Variants in ATAD5 observed in about 807,000 individuals in gnomAD.
The protein encoded by ATAD5 is ATPase family AAA domain-containing protein 5.
Under a neutral mutation model 176.9 loss-of-function variants are expected in ATAD5, and 58 were observed. That is an observed-to-expected ratio of 0.33 (90% CI 0.27 to 0.41). ATAD5 has a LOEUF of 0.41. Among genes scored for constraint, ATAD5 ranks in the 10% least tolerant of loss-of-function variants. The pLI is 1.00. For missense variants in ATAD5, 1,789 were observed against 2,094.1 expected, an observed-to-expected ratio of 0.85 and a Z score of 2.84; for synonymous variants, 640 against 712.6, an observed-to-expected ratio of 0.90 and a Z score of 1.62.
chr17:30,833,869 A>T (rs1042713276), intron 1 of ATAD5, among the ~76,000 whole-genome samples: 1 of 152,094 alleles, frequency 6.6e-6, no homozygotes, highest in South Asian at 2.1e-4. Context: ...TTTAGTAGAG[A>T]CAGGGTTTCA....
At chr17:30,879,295 C>T (rs113528094) in intron 17 of ATAD5, 128 bp from the exon 18 acceptor site, 19,940 of 1,022,152 alleles carry the variant, frequency 0.02, 237 homozygotes, top group Middle Eastern at 0.023. Context: ...TATGACTGCA[C>T]CACAGCACTA....
At chr17:30,841,020 T>C (rs1200296125) in intron 4 of ATAD5, among the ~76,000 whole-genome samples, 11 of 152,150 alleles carry the variant, frequency 7.2e-5, no homozygotes, top group Admixed American at 1.3e-4. Flanking sequence ...CTTCCTTTTT[T>C]TTTTTTGAGA....
intron 14 of ATAD5, among the ~76,000 whole-genome samples, chr17:30,872,660 A>C (rs1414017219): frequency 6.7e-6 from 1 of 149,666 alleles, no homozygotes; most frequent in Non-Finnish European, 1.5e-5. Flanking sequence ...GGTTCAAGTG[A>C]TCTTCCTGCC....
At chr17:30,837,406 C>G in intron 3 of ATAD5, 92 bp downstream of exon 3, 1 of 821,738 alleles carries the variant, frequency 1.2e-6, no homozygotes, top group Non-Finnish European at 1.9e-6. Flanking sequence ...AAGTAATGAG[C>G]CAAAATAAAA....
intron 14 of ATAD5, among the ~76,000 whole-genome samples, chr17:30,871,306 A>G (rs1206169372): frequency 3.3e-5 from 5 of 150,236 alleles, no homozygotes; most frequent in African/African-American, 9.8e-5. Flanking sequence ...TACAGTTATA[A>G]CAACTGTTTT....
At chr17:30,857,205 T>G in intron 8 of ATAD5, 93 bp downstream of exon 8, 1 of 1,380,506 alleles carries the variant, frequency 7.2e-7, no homozygotes, top group Non-Finnish European at 9.8e-7. Flanking sequence ...TAGCCTCGAG[T>G]GTTGTCCTAG....
intron 9 of ATAD5, among the ~76,000 whole-genome samples, chr17:30,858,694 C>CT (rs201054145): frequency 1.0e-3 from 155 of 150,278 alleles, no homozygotes; most frequent in Middle Eastern, 3.4e-3. Flanking sequence ...CCTATTTTTT[C>CT]TTTTTTTTTA....
At chr17:30,892,892 A>T in intron 20 of ATAD5, 104 bp downstream of exon 20, 1 of 998,396 alleles carries the variant, frequency 1.0e-6, no homozygotes, top group South Asian at 1.9e-5. Flanking sequence ...AAATGTGCCT[A>T]TAATTTGTAT....
intron 11 of ATAD5, among the ~76,000 whole-genome samples, chr17:30,866,596 C>T (rs1468968729): frequency 6.6e-6 from 1 of 151,668 alleles, no homozygotes; most frequent in African/African-American, 2.4e-5. Flanking sequence ...GGGCAGATCA[C>T]TTGAGGCTGG....
intron 6 of ATAD5, among the ~76,000 whole-genome samples, chr17:30,852,703 A>G (rs1249564485): frequency 6.6e-6 from 1 of 152,074 alleles, no homozygotes; most frequent in Non-Finnish European, 1.5e-5. Context: ...GGCCTGTCAC[A>G]TGGCGAGAGA....
intron 14 of ATAD5, among the ~76,000 whole-genome samples, chr17:30,871,844 CT>C (rs1908356148): frequency 6.6e-6 from 1 of 152,002 alleles, no homozygotes; most frequent in South Asian, 2.1e-4. Flanking sequence ...CAATCCTGCA[CT>C]TTTTGTACCT....
intron 4 of ATAD5, among the ~76,000 whole-genome samples, chr17:30,841,895 C>T (rs1906142806): frequency 6.6e-6 from 1 of 152,056 alleles, no homozygotes; most frequent in African/African-American, 2.4e-5. Flanking sequence ...GAACATTTTA[C>T]CCCCTCCTCT....
At chr17:30,862,311 G>C (rs1288815410) in intron 10 of ATAD5, among the ~76,000 whole-genome samples, 1 of 151,026 alleles carries the variant, frequency 6.6e-6, no homozygotes, top group Non-Finnish European at 1.5e-5. Flanking sequence ...TCCAGCCCAG[G>C]AGACAGAGCA....
At chr17:30,883,319 G>T (rs1909135315) in intron 18 of ATAD5, among the ~76,000 whole-genome samples, 1 of 151,674 alleles carries the variant, frequency 6.6e-6, no homozygotes, top group Admixed American at 6.6e-5. Context: ...TAGAGATGAG[G>T]TCTCACTATA....
intron 17 of ATAD5, 54 bp downstream of exon 17, chr17:30,878,150 T>C (rs1908780958): frequency 8.7e-7 from 1 of 1,149,806 alleles, no homozygotes. Flanking sequence ...CTGTAGTTCA[T>C]CTGCAGACTG....
chr17:30,844,133 A>G, intron 5 of ATAD5, 94 bp downstream of exon 5: 1 of 1,104,150 alleles, frequency 9.1e-7, no homozygotes, highest in East Asian at 3.2e-5. Flanking sequence ...TTATTTATTT[A>G]TTTATTTATT....
intron 18 of ATAD5, among the ~76,000 whole-genome samples, chr17:30,880,217 T>C (rs1288048487): frequency 1.3e-5 from 2 of 152,048 alleles, no homozygotes; most frequent in African/African-American, 4.8e-5. Flanking sequence ...GGTGGGACAA[T>C]TGCTTGAGCC....
Position 30,887,354 on chromosome 17 carries a change from C to G in ATAD5, c.4240C>G (p.Arg1414Gly), listed in dbSNP as rs1224737741. Residue 1414 changes from arginine to glycine, a missense_variant, in exon 19 of 23, where the codon CGA becomes GGA. Physicochemically the swap from Arg to Gly is moderately radical, Grantham distance 125. Around this residue, in one of 6 missense-constraint regions of ATAD5, gnomAD observed 403 missense variants for 495.1 expected, o/e 0.81. Coordinates refer to ENST00000321990, the MANE Select transcript of ATAD5 (RefSeq NM_024857.5). ...AAGTGGAGGTGGAGTTTTAGAAGAA[C>G]GACCATTAACCCTTTATCGTAAGTT... The part of the protein sequence containing the change: ...IRSGGGVLEE[R>G]PLTLYRGNSR... 47 of 1,602,792 alleles carry G rather than the reference C, an allele frequency of 2.9e-5. No individual in the cohort carries two copies. Among genetic ancestry groups the G allele is most frequent in the Non-Finnish European group, 4.0e-5 (47 of 1,176,428 alleles).
chr17:30,862,794 T>C (rs948612549), intron 10 of ATAD5: 1 of 152,226 alleles, frequency 6.6e-6, no homozygotes, highest in Admixed American at 6.5e-5. Flanking sequence ...TTCATTTATA[T>C]AGCTTTATAC....
Sources: gnomAD v4.1 joint callset for allele counts (sites outside exome capture counted in the v4.1 genomes callset) on GRCh38, gnomAD v4.1.1 for gene constraint, gnomAD v4.1.1 regional missense constraint, MANE v1.5 for transcripts, NCBI Gene and HGNC (gene_info 2026-07-23, HGNC 2026-07-21) for gene names.